The following MAP4K3 variants were observed in gnomAD, a reference collection of about 807,000 sequenced individuals.
The protein encoded by MAP4K3 is MAPK/ERK kinase kinase kinase 3.
MAP4K3 carries 94 observed loss-of-function variants against 143.5 expected under a neutral mutation model. The ratio of observed to expected loss-of-function variants is 0.65; its 90% CI spans 0.55 to 0.78. MAP4K3 has a LOEUF of 0.78. Ranked by LOEUF, MAP4K3 falls within the 30% of genes least tolerant of loss-of-function variation. The pLI is 0.00. For synonymous variants in MAP4K3, 416 were observed against 347.2 expected (o/e 1.20, Z -2.20); for missense variants, 1,077 against 1,068.1 (o/e 1.01, Z -0.12).
intron 23 of MAP4K3, 21 bp from the exon 24 acceptor site, chr2:39,278,507 T>C (rs1268638217): frequency 2.1e-5 from 28 of 1,334,890 alleles, no homozygotes; most frequent in African/African-American, 7.4e-5. Context: ...AGTAATTCAC[T>C]GACTGATTTT....
Position 39,293,325 on chromosome 2 carries a change from G to A in MAP4K3, c.1179-57C>T, listed in dbSNP as rs867973529. ...GTGAATAAATTATCAAAGGAATATCGAATGTGTTTTTATCATTTTAACCTT... is the reference window on the plus strand; with the variant it reads ...GTGAATAAATTATCAAAGGAATATCAAATGTGTTTTTATCATTTTAACCTT... On this transcript the variant is annotated intron_variant, in intron 16 of 33. Coordinates refer to ENST00000263881, the MANE Select transcript of MAP4K3 (RefSeq NM_003618.4). The A allele has an allele frequency of 6.5e-5, 70 of 1,072,242 alleles. No homozygotes were observed. In the Middle Eastern group the frequency reaches 1.1e-3, roughly 16 times the overall value. The allele number at this position is 1,072,242 out of a possible 1,614,324, so 66.4% of individuals were successfully genotyped here.
intron 4 of MAP4K3, among the ~76,000 whole-genome samples, chr2:39,339,349 C>G (rs1473514661): frequency 6.6e-6 from 1 of 152,136 alleles, no homozygotes; most frequent in Non-Finnish European, 1.5e-5. Flanking sequence ...ATAAGATAAT[C>G]TGAAAACCCT....
intron 12 of MAP4K3, among the ~76,000 whole-genome samples, chr2:39,324,226 G>GT (rs1202848741): frequency 1.1e-4 from 17 of 152,200 alleles, no homozygotes; most frequent in African/African-American, 4.1e-4. Context: ...GGCCAATGTG[G>GT]TAAAACCCCA....
At chr2:39,432,518 T>C (rs531434541) in intron 1 of MAP4K3, among the ~76,000 whole-genome samples, 4 of 152,330 alleles carry the variant, frequency 2.6e-5, no homozygotes, top group Non-Finnish European at 4.4e-5. Context: ...TGGAAGTAAA[T>C]AGAAGTGAGC....
chr2:39,294,616 C>T (rs1243011243), intron 16 of MAP4K3, among the ~76,000 whole-genome samples: 1 of 152,182 alleles, frequency 6.6e-6, no homozygotes, highest in Non-Finnish European at 1.5e-5. Flanking sequence ...ATAAGTTACT[C>T]TGATTTCTCT....
rs530158420 is a variant in MAP4K3, at chr2:39,344,532, G to A, written c.246-1080C>T. Among the ~76,000 whole-genome samples the A allele has an allele frequency of 3.4e-4, 52 of 152,260 alleles. 1 individual carries two copies. Among genetic ancestry groups the A allele is most frequent in the South Asian group, 2.1e-4 (1 of 4,822 alleles). On this transcript the variant is annotated intron_variant, in intron 3 of 33. Coordinates refer to ENST00000263881, the MANE Select transcript of MAP4K3 (RefSeq NM_003618.4). ...TTCTATACTGTATGGCTGCTTTCAC[G>A]CTAGAACAGAAGAGCTTAGTCGTGG...
chr2:39,352,724 A>T (rs1361489440), intron 3 of MAP4K3, among the ~76,000 whole-genome samples: 1 of 152,184 alleles, frequency 6.6e-6, no homozygotes, highest in Non-Finnish European at 1.5e-5. Context: ...ATTTCTTCAT[A>T]AGCGAGCACA....
At chr2:39,283,660 T>C (rs780668749) in intron 21 of MAP4K3, 1 of 152,234 alleles carries the variant, frequency 6.6e-6, no homozygotes, top group Non-Finnish European at 1.5e-5. Context: ...GGTTAGAGTA[T>C]ACAGGCAATT....
At chr2:39,264,342 A>G (rs546301607) in intron 28 of MAP4K3, among the ~76,000 whole-genome samples, 11 of 152,222 alleles carry the variant, frequency 7.2e-5, no homozygotes, top group South Asian at 6.2e-4. Flanking sequence ...TAATACTTCA[A>G]TAGGTTTCAA....
chr2:39,325,169 C>G (rs1416685026), intron 12 of MAP4K3, among the ~76,000 whole-genome samples: 1 of 152,022 alleles, frequency 6.6e-6, no homozygotes, highest in Non-Finnish European at 1.5e-5. Flanking sequence ...ATTCAAATGT[C>G]TTGTTTAGGC....
intron 1 of MAP4K3, among the ~76,000 whole-genome samples, chr2:39,380,409 A>C (rs1666329011): frequency 1.3e-5 from 2 of 152,150 alleles, no homozygotes; most frequent in Admixed American, 6.5e-5. Context: ...GTTACACACA[A>C]AGGTAAATTT....
chr2:39,287,015 A>C, intron 20 of MAP4K3, 51 bp from the exon 21 acceptor site: 1 of 1,174,522 alleles, frequency 8.5e-7, no homozygotes, highest in Non-Finnish European at 1.2e-6. Context: ...GAAAACTTTT[A>C]TTCAGAAAGT....
chr2:39,401,789 G>A (rs1249982065), intron 1 of MAP4K3, among the ~76,000 whole-genome samples: 1 of 152,116 alleles, frequency 6.6e-6, no homozygotes, highest in Non-Finnish European at 1.5e-5. Context: ...TGACAGGAGT[G>A]TGACCCTGTC....
rs373126017 is a variant in MAP4K3 at position 39,385,631 on chromosome 2, A to ATT, written c.97-7510_97-7509dup. Among the ~76,000 whole-genome samples, 437 of 120,440 alleles carry ATT rather than the reference A, an allele frequency of 3.6e-3. 1 individual carries two copies. Among genetic ancestry groups the ATT allele is most frequent in the Non-Finnish European group, 6.2e-3 (359 of 58,262 alleles). The allele number at this position is 120,440 out of a possible 152,430, so 79.0% of individuals were successfully genotyped here. A position where few individuals can be genotyped will look rare whatever the true frequency, so the allele number is the denominator to read the frequency against. On this transcript the variant is annotated intron_variant, in intron 1 of 33. Transcript: ENST00000263881. ...TCCTTTGTCAGATATATGATTTGCA[A>ATT]TTTTTTTTTTTTTTTGAGACGAAGT...
At chr2:39,408,256 A>G (rs1420426181) in intron 1 of MAP4K3, among the ~76,000 whole-genome samples, 1 of 152,204 alleles carries the variant, frequency 6.6e-6, no homozygotes, top group Non-Finnish European at 1.5e-5. Context: ...AGTTCCTTTG[A>G]TATTAGACAA....
At chr2:39,404,859 G>A (rs1160808325) in intron 1 of MAP4K3, among the ~76,000 whole-genome samples, 1 of 152,026 alleles carries the variant, frequency 6.6e-6, no homozygotes, top group Admixed American at 6.5e-5. Flanking sequence ...AACCTCAGGG[G>A]ATCCGCCCGC....
intron 16 of MAP4K3, among the ~76,000 whole-genome samples, chr2:39,295,218 G>A (rs1181936761): frequency 6.6e-6 from 1 of 152,036 alleles, no homozygotes; most frequent in East Asian, 1.9e-4. Context: ...TGAGTCTCAG[G>A]AGAGAAATCA....
intron 3 of MAP4K3, among the ~76,000 whole-genome samples, chr2:39,345,241 AG>A (rs1665253429): frequency 7.2e-6 from 1 of 138,362 alleles, no homozygotes; most frequent in South Asian, 2.4e-4. Flanking sequence ...AGCCAGGAGA[AG>A]TGGTGCATAC....
At chr2:39,261,403 T>C (rs985080360) in intron 28 of MAP4K3, among the ~76,000 whole-genome samples, 6 of 152,186 alleles carry the variant, frequency 3.9e-5, no homozygotes, top group African/African-American at 1.4e-4. Flanking sequence ...AAACACTAAC[T>C]TCATTAGTAA....
Sources: allele counts gnomAD v4.1 joint callset (sites outside exome capture counted in the v4.1 genomes callset), GRCh38; gene constraint gnomAD v4.1.1; transcripts MANE v1.5; gene names NCBI Gene and HGNC (gene_info 2026-07-23, HGNC 2026-07-21).